The following CTNNA2 variants were observed in gnomAD, a reference collection of about 807,000 sequenced individuals.
The protein encoded by CTNNA2 is catenin alpha-2.
A neutral mutation model predicts 101.0 loss-of-function variants in CTNNA2; 42 were observed. The ratio of observed to expected loss-of-function variants is 0.42; its 90% CI spans 0.32 to 0.54. CTNNA2 has a LOEUF of 0.54. Among genes scored for constraint, CTNNA2 ranks in the 20% least tolerant of loss-of-function variants. The probability of loss-of-function intolerance (pLI) is 0.14; values close to 1 mark genes in which losing one functional copy is unlikely to be tolerated. For missense variants in CTNNA2, 871 were observed against 1,223.1 expected (o/e 0.71, Z 4.29); for synonymous variants, 450 against 456.4 (o/e 0.99, Z 0.18).
chr2:80,487,026 C>T (rs1228052291), intron 9 of CTNNA2, among the ~76,000 whole-genome samples: 1 of 152,108 alleles, frequency 6.6e-6, no homozygotes, highest in African/African-American at 2.4e-5. Flanking sequence ...TGGCTCATGC[C>T]TGTAATCCCA....
In CTNNA2 at chr2:80,550,931, T is replaced by C. The variant is rs552708307; in HGVS notation, c.1541-4762T>C. On this transcript the variant is annotated intron_variant, in intron 11 of 18. Transcript: ENST00000402739. ...TGGCGAATTCTTTCCAGAAGGCCTT[T>C]AATTTACTTTGCCCAGATCCATCAG... 5.9e-5 allele frequency among the ~76,000 whole-genome samples: 9 copies of C among 152,210 alleles called. No individual in the cohort carries two copies. In the South Asian group the frequency reaches 1.2e-3, roughly 21 times the overall value.
intron 2 of CTNNA2, among the ~76,000 whole-genome samples, chr2:79,273,274 T>C (rs1428913307): frequency 6.6e-6 from 1 of 152,092 alleles, no homozygotes; most frequent in Admixed American, 6.6e-5. Context: ...AGTTTACAAA[T>C]AAAGACTGAA....
At chr2:79,831,969 C>G (rs13385330) in intron 3 of CTNNA2, among the ~76,000 whole-genome samples, 1 of 152,100 alleles carries the variant, frequency 6.6e-6, no homozygotes, top group Non-Finnish European at 1.5e-5. Context: ...ATAACCTTCT[C>G]AGGCATATGA....
chr2:79,570,347 G>C (rs1397710477), intron 1 of CTNNA2, among the ~76,000 whole-genome samples: 1 of 152,096 alleles, frequency 6.6e-6, no homozygotes, highest in Non-Finnish European at 1.5e-5. Context: ...TTTAGCAGGT[G>C]CCTAGAAATG....
chr2:80,064,581 G>A (rs974594759), intron 7 of CTNNA2, among the ~76,000 whole-genome samples: 1 of 152,214 alleles, frequency 6.6e-6, no homozygotes, highest in Non-Finnish European at 1.5e-5. Flanking sequence ...GGGGCTGGAT[G>A]GTTAAAGTTG....
chr2:80,618,988 T>TCCCTAATCC (rs1420105710), intron 17 of CTNNA2, 97 bp from the exon 18 acceptor site: 4 of 724,176 alleles, frequency 5.5e-6, no homozygotes, highest in African/African-American at 1.8e-5. Context: ...ACCCATTCCC[T>TCCCTAATCC]CTTCCACTCC....
chr2:79,537,429 T>G (rs1451612108), intron 1 of CTNNA2, among the ~76,000 whole-genome samples: 1 of 152,202 alleles, frequency 6.6e-6, no homozygotes, highest in Non-Finnish European at 1.5e-5. Context: ...TTTATCCCTT[T>G]GTTCTTATGC....
intron 4 of CTNNA2, among the ~76,000 whole-genome samples, chr2:79,376,953 C>A (rs141025699): frequency 7.2e-5 from 11 of 152,022 alleles, no homozygotes; most frequent in Non-Finnish European, 1.0e-4. Flanking sequence ...CATACGTGTG[C>A]GTGTGTCTTT....
intron 2 of CTNNA2, among the ~76,000 whole-genome samples, chr2:79,202,797 C>T (rs1239163397): frequency 2.0e-5 from 3 of 152,126 alleles, no homozygotes; most frequent in Non-Finnish European, 4.4e-5. Context: ...CAAGCCCAGC[C>T]ATTGTTCTCA....
At chr2:79,853,799 G>T (rs1402134100) in intron 3 of CTNNA2, among the ~76,000 whole-genome samples, 3 of 151,696 alleles carry the variant, frequency 2.0e-5, no homozygotes, top group Admixed American at 6.6e-5. Flanking sequence ...CTCCTGAGTA[G>T]CTGGGATTAC....
chr2:80,118,547 TG>T (rs1701654916), intron 7 of CTNNA2, among the ~76,000 whole-genome samples: 1 of 152,238 alleles, frequency 6.6e-6, no homozygotes, highest in Non-Finnish European at 1.5e-5. Context: ...GGGTTTCTTT[TG>T]GTAAAATGCA....
chr2:79,972,002 A>G (rs1009597371), intron 7 of CTNNA2, among the ~76,000 whole-genome samples: 9 of 152,306 alleles, frequency 5.9e-5, no homozygotes, highest in African/African-American at 2.2e-4. Context: ...AAGGCAGGAA[A>G]TGCCAAGGCT....
At chr2:79,613,499 A>G (rs1678423582) in intron 1 of CTNNA2, among the ~76,000 whole-genome samples, 1 of 152,150 alleles carries the variant, frequency 6.6e-6, no homozygotes, top group Non-Finnish European at 1.5e-5. Flanking sequence ...TGTTTAAAAC[A>G]GACTTCCTGT....
intron 7 of CTNNA2, among the ~76,000 whole-genome samples, chr2:80,125,117 G>A (rs1385699108): frequency 6.6e-6 from 1 of 152,162 alleles, no homozygotes; most frequent in Non-Finnish European, 1.5e-5. Context: ...TGTCTGAAAC[G>A]ATTGAAGTAC....
At chr2:80,209,162 A>G (rs780151360) in intron 7 of CTNNA2, among the ~76,000 whole-genome samples, 5 of 152,064 alleles carry the variant, frequency 3.3e-5, no homozygotes, top group African/African-American at 9.7e-5. Flanking sequence ...GTCACACTAA[A>G]AACTAGCCTT....
At chr2:79,765,818 A>G (rs1673111997) in intron 3 of CTNNA2, among the ~76,000 whole-genome samples, 1 of 152,178 alleles carries the variant, frequency 6.6e-6, no homozygotes, top group Non-Finnish European at 1.5e-5. Context: ...CTAATAGTGT[A>G]TATTCTGTCC....
chr2:79,578,739 T>C (rs1040891615), intron 1 of CTNNA2, among the ~76,000 whole-genome samples: 1 of 152,150 alleles, frequency 6.6e-6, no homozygotes, highest in African/African-American at 2.4e-5. Context: ...TGTTTGACAG[T>C]CTCCAAGTCA....
At chr2:79,334,134 A>G (rs1676937981) in intron 3 of CTNNA2, among the ~76,000 whole-genome samples, 1 of 152,166 alleles carries the variant, frequency 6.6e-6, no homozygotes, top group Admixed American at 6.5e-5. Flanking sequence ...ACATTAAATT[A>G]TTGCTAGTTA....
intron 18 of CTNNA2, among the ~76,000 whole-genome samples, chr2:80,635,657 A>G (rs978938366): frequency 3.9e-5 from 6 of 152,186 alleles, no homozygotes; most frequent in Non-Finnish European, 8.8e-5. Context: ...CACAGGTGAC[A>G]TGAGTCAAAT....
Sources: gnomAD v4.1 joint callset for allele counts (sites outside exome capture counted in the v4.1 genomes callset) on GRCh38, gnomAD v4.1.1 for gene constraint, MANE v1.5 for transcripts, NCBI Gene and HGNC (gene_info 2026-07-23, HGNC 2026-07-21) for gene names.